Variants in KIAA1217 observed in about 807,000 individuals in gnomAD.
KIAA1217 encodes the protein KIAA1217.
KIAA1217 carries 88 observed loss-of-function variants against 163.9 expected under a neutral mutation model. That is an observed-to-expected ratio of 0.54 (90% CI 0.45 to 0.64). KIAA1217 has a LOEUF of 0.64. Among genes scored for constraint, KIAA1217 ranks in the 30% least tolerant of loss-of-function variants. The pLI is 0.00. For synonymous variants in KIAA1217, 903 were observed against 923.1 expected (o/e 0.98, Z 0.39); for missense variants, 2,372 against 2,475.0 (o/e 0.96, Z 0.88).
intron 3 of KIAA1217, among the ~76,000 whole-genome samples, chr10:24,412,721 T>A (rs1194721987): frequency 6.6e-6 from 1 of 152,178 alleles, no homozygotes; most frequent in Non-Finnish European, 1.5e-5. Flanking sequence ...TAGACCTCAT[T>A]GCTTCTCTAT....
intron 2 of KIAA1217, among the ~76,000 whole-genome samples, chr10:24,078,792 T>C (rs1376985295): frequency 6.6e-6 from 1 of 151,980 alleles, no homozygotes; most frequent in Non-Finnish European, 1.5e-5. Flanking sequence ...GAGAGACAAA[T>C]GAAAAGGCTG....
intron 1 of KIAA1217, among the ~76,000 whole-genome samples, chr10:24,006,844 G>T (rs569484944): frequency 6.6e-6 from 1 of 152,294 alleles, no homozygotes; most frequent in Admixed American, 6.5e-5. Context: ...AGGGATTAGA[G>T]ATGCGAGTCT....
chr10:24,339,746 G>T (rs1463705241), intron 2 of KIAA1217, among the ~76,000 whole-genome samples: 2 of 152,182 alleles, frequency 1.3e-5, no homozygotes, highest in Non-Finnish European at 2.9e-5. Flanking sequence ...GTTGCACCCA[G>T]GTCTCTCTGA....
At chr10:24,073,606 G>A (rs2061266107) in intron 2 of KIAA1217, among the ~76,000 whole-genome samples, 1 of 152,160 alleles carries the variant, frequency 6.6e-6, no homozygotes, top group Non-Finnish European at 1.5e-5. Flanking sequence ...GCTACATGTT[G>A]GAAGAGACAG....
chr10:24,194,567 T>A (rs999802654), intron 2 of KIAA1217, among the ~76,000 whole-genome samples: 6 of 151,014 alleles, frequency 4.0e-5, no homozygotes, highest in Non-Finnish European at 5.9e-5. Context: ...AGGCAGCCTC[T>A]TTTCTTTGTT....
At chr10:24,275,640 A>G (rs1203810922) in intron 2 of KIAA1217, 1 of 471,642 alleles carries the variant, frequency 2.1e-6, no homozygotes, top group African/African-American at 2.0e-5. Flanking sequence ...AGTAGTCTCA[A>G]GTATGTTTTT....
At chr10:24,378,117 G>A (rs145977983) in intron 2 of KIAA1217, among the ~76,000 whole-genome samples, 2 of 151,876 alleles carry the variant, frequency 1.3e-5, no homozygotes, top group African/African-American at 4.8e-5. Flanking sequence ...TCCTGCCCAC[G>A]TTAACCACAG....
At chr10:24,027,684 T>G (rs1291233565) in intron 2 of KIAA1217, among the ~76,000 whole-genome samples, 1 of 152,126 alleles carries the variant, frequency 6.6e-6, no homozygotes, top group African/African-American at 2.4e-5. Context: ...AACTCAATAG[T>G]GTAAAATTAT....
chr10:24,435,222 C>A (rs1344121091), intron 4 of KIAA1217, among the ~76,000 whole-genome samples: 1 of 152,214 alleles, frequency 6.6e-6, no homozygotes, highest in Non-Finnish European at 1.5e-5. Context: ...GTTTCACAAC[C>A]TTACAGCTTT....
At chr10:24,250,390 A>G (rs999227616) in intron 2 of KIAA1217, among the ~76,000 whole-genome samples, 5 of 151,196 alleles carry the variant, frequency 3.3e-5, no homozygotes, top group Non-Finnish European at 7.4e-5. Flanking sequence ...CAACAATTTT[A>G]CGCGTGTTTC....
At chr10:24,424,312 C>T (rs139638335) in intron 3 of KIAA1217, among the ~76,000 whole-genome samples, 1,801 of 151,484 alleles carry the variant, frequency 0.012, 16 homozygotes, top group Non-Finnish European at 0.017. Flanking sequence ...GTGTTTGAAA[C>T]AAAATGTCAG....
In KIAA1217 at chr10:24,213,966, C is replaced by T. The variant is rs1168558524; in HGVS notation, c.70+4703C>T. ...AGGAGTTCTAGACCACCCTGGGCAA[C>T]ATAGTGAGACCCCATCTCTACAAAA... On this transcript the variant is annotated intron_variant, in intron 1 of 20. Transcript: ENST00000376454. 2.0e-5 allele frequency among the ~76,000 whole-genome samples: 3 copies of T among 148,744 alleles called. No homozygotes were observed. The Admixed American group carries it at 2.0e-4, about 10-fold the overall frequency.
At chr10:23,815,086 C>G (rs531983814) in intron 1 of KIAA1217, among the ~76,000 whole-genome samples, 61 of 152,128 alleles carry the variant, frequency 4.0e-4, no homozygotes, top group Middle Eastern at 3.4e-3. Context: ...TTGCAAGTGC[C>G]TCAAGAAAAG....
chr10:24,274,469 G>T (rs947886813), intron 2 of KIAA1217, among the ~76,000 whole-genome samples: 2 of 151,996 alleles, frequency 1.3e-5, no homozygotes, highest in Non-Finnish European at 2.9e-5. Context: ...AAGTAAAAAA[G>T]ATGAACCTGC....
At chr10:24,168,236 C>A (rs188009558) in intron 2 of KIAA1217, among the ~76,000 whole-genome samples, 59 of 152,118 alleles carry the variant, frequency 3.9e-4, no homozygotes, top group Non-Finnish European at 7.2e-4. Flanking sequence ...CAATTAAGCG[C>A]CTCTAGATGT....
At chr10:24,080,193 G>T (rs2061493812) in intron 2 of KIAA1217, among the ~76,000 whole-genome samples, 1 of 152,128 alleles carries the variant, frequency 6.6e-6, no homozygotes, top group South Asian at 2.1e-4. Context: ...TATTGGATCT[G>T]GTGATATCTT....
chr10:23,857,185 A>G (rs1235071157), intron 1 of KIAA1217, among the ~76,000 whole-genome samples: 2 of 152,180 alleles, frequency 1.3e-5, no homozygotes, highest in Non-Finnish European at 2.9e-5. Flanking sequence ...TTTATATGAA[A>G]TTTGGGTAGG....
At chr10:23,872,267 A>G (rs1840489311) in intron 1 of KIAA1217, among the ~76,000 whole-genome samples, 1 of 151,448 alleles carries the variant, frequency 6.6e-6, no homozygotes. Context: ...GAGCTCTTGT[A>G]GAATGAATCT....
At chr10:23,821,117 G>A (rs942703481) in intron 1 of KIAA1217, among the ~76,000 whole-genome samples, 1 of 140,672 alleles carries the variant, frequency 7.1e-6, no homozygotes, top group Non-Finnish European at 1.7e-5. Flanking sequence ...GTGTGTGTGT[G>A]TGTGTGTGTG....
Sources: allele counts gnomAD v4.1 joint callset (sites outside exome capture counted in the v4.1 genomes callset), GRCh38; gene constraint gnomAD v4.1.1; transcripts MANE v1.5; gene names NCBI Gene and HGNC (gene_info 2026-07-23, HGNC 2026-07-21).